Variants in CSMD1 observed in about 807,000 individuals in gnomAD.
CSMD1 encodes the protein CUB and sushi domain-containing protein 1.
CSMD1 carries 213 observed loss-of-function variants against 417.5 expected under a neutral mutation model. The ratio of observed to expected loss-of-function variants is 0.51; its 90% CI spans 0.46 to 0.57. CSMD1 has a LOEUF of 0.57. Among genes scored for constraint, CSMD1 ranks in the 20% least tolerant of loss-of-function variants. The pLI is 0.00. For synonymous variants in CSMD1, 2,862 were observed against 1,736.8 expected (o/e 1.65, Z -16.11); for missense variants, 6,923 against 4,529.7 (o/e 1.53, Z -15.17).
chr8:3,383,428 T>C (rs917962150), intron 18 of CSMD1, among the ~76,000 whole-genome samples: 3 of 151,966 alleles, frequency 2.0e-5, no homozygotes, highest in Admixed American at 1.3e-4. Flanking sequence ...AAAAACCTCA[T>C]GCATGGAGGG....
At chr8:3,039,391 C>T (rs1810925889) in intron 50 of CSMD1, among the ~76,000 whole-genome samples, 1 of 136,116 alleles carries the variant, frequency 7.3e-6, no homozygotes, top group Non-Finnish European at 1.5e-5. Context: ...TTCCTTCCTT[C>T]CCCCTTCCCT....
chr8:4,913,303 G>C (rs1412838107), intron 1 of CSMD1, among the ~76,000 whole-genome samples: 1 of 152,122 alleles, frequency 6.6e-6, no homozygotes, highest in African/African-American at 2.4e-5. Flanking sequence ...ATCCTCATTT[G>C]GTGTTATAAT....
chr8:3,735,413 A>G (rs1055466625), intron 6 of CSMD1, among the ~76,000 whole-genome samples: 3 of 152,244 alleles, frequency 2.0e-5, no homozygotes, highest in Non-Finnish European at 4.4e-5. Context: ...CAAAATCCTT[A>G]GATGATTCCA....
intron 2 of CSMD1, among the ~76,000 whole-genome samples, chr8:4,595,193 T>A (rs1275071606): frequency 6.6e-6 from 1 of 151,946 alleles, no homozygotes. Context: ...AGAAACATCC[T>A]AAAATGTAGA....
intron 3 of CSMD1, among the ~76,000 whole-genome samples, chr8:4,231,843 T>C (rs1054260199): frequency 6.6e-6 from 1 of 152,228 alleles, no homozygotes; most frequent in African/African-American, 2.4e-5. Flanking sequence ...AGAATATCTG[T>C]ACATGTATAT....
chr8:4,098,346 T>C (rs1585309119), intron 3 of CSMD1, among the ~76,000 whole-genome samples: 1 of 152,212 alleles, frequency 6.6e-6, no homozygotes, highest in South Asian at 2.1e-4. Flanking sequence ...CGTATCATAA[T>C]AGTGTTGATC....
intron 12 of CSMD1, among the ~76,000 whole-genome samples, chr8:3,466,626 A>G (rs1277833980): frequency 1.5e-5 from 2 of 132,880 alleles, no homozygotes; most frequent in Admixed American, 1.7e-4. Context: ...TAGGGGTTTC[A>G]CCATGTTGGC....
chr8:4,837,893 C>A (rs78274454), intron 1 of CSMD1, among the ~76,000 whole-genome samples: 8,292 of 151,710 alleles, frequency 0.055, 257 homozygotes, highest in African/African-American at 0.072. Flanking sequence ...AACGTGAACC[C>A]CAAAATTAAA....
intron 10 of CSMD1, among the ~76,000 whole-genome samples, chr8:3,570,562 A>AT (rs1799901680): frequency 5.5e-5 from 2 of 36,070 alleles, no homozygotes; most frequent in Admixed American, 2.7e-4. Context: ...CGCTCTAGAG[A>AT]GGGGGCAGGA....
At chr8:4,193,296 C>G (rs556947344) in intron 3 of CSMD1, among the ~76,000 whole-genome samples, 19 of 152,224 alleles carry the variant, frequency 1.2e-4, no homozygotes, top group African/African-American at 4.6e-4. Flanking sequence ...AAATACCATG[C>G]CCATAATGAA....
At chr8:3,129,873 C>T (rs1286643289) in intron 41 of CSMD1, among the ~76,000 whole-genome samples, 1 of 151,960 alleles carries the variant, frequency 6.6e-6, no homozygotes, top group Non-Finnish European at 1.5e-5. Context: ...CCTGTAATCC[C>T]AGCTATTCAG....
At chr8:4,493,583 C>G (rs1035931667) in intron 2 of CSMD1, among the ~76,000 whole-genome samples, 2 of 151,966 alleles carry the variant, frequency 1.3e-5, no homozygotes, top group Non-Finnish European at 2.9e-5. Context: ...ACCTGTAGTC[C>G]CGGCTACTAG....
At chr8:3,953,863 C>T (rs886158291) in intron 5 of CSMD1, among the ~76,000 whole-genome samples, 19 of 152,188 alleles carry the variant, frequency 1.2e-4, no homozygotes, top group South Asian at 4.1e-4. Context: ...TCTGGGTGGT[C>T]TCCTGTGTGA....
chr8:3,472,941 C>G (rs766184369), intron 11 of CSMD1, among the ~76,000 whole-genome samples: 2 of 151,964 alleles, frequency 1.3e-5, no homozygotes, highest in Non-Finnish European at 2.9e-5. Context: ...ACTGTTTTCT[C>G]CCCATTTCCA....
At chr8:3,782,372 T>G (rs1352063317) in intron 5 of CSMD1, among the ~76,000 whole-genome samples, 4 of 152,214 alleles carry the variant, frequency 2.6e-5, no homozygotes, top group Admixed American at 2.6e-4. Context: ...AAGTCAATCT[T>G]TAACCTGAAT....
chr8:4,777,597 T>C (rs1332881279), intron 1 of CSMD1, among the ~76,000 whole-genome samples: 1 of 152,222 alleles, frequency 6.6e-6, no homozygotes, highest in Non-Finnish European at 1.5e-5. Flanking sequence ...GCAGTAAGAA[T>C]GTACATACCC....
intron 2 of CSMD1, among the ~76,000 whole-genome samples, chr8:4,635,784 A>G (rs1388554185): frequency 6.6e-6 from 1 of 152,098 alleles, no homozygotes; most frequent in African/African-American, 2.4e-5. Flanking sequence ...ATTAGCAAGT[A>G]TTGTATATGT....
intron 2 of CSMD1, among the ~76,000 whole-genome samples, chr8:4,619,675 A>T (rs928018575): frequency 6.6e-6 from 1 of 152,146 alleles, no homozygotes; most frequent in African/African-American, 2.4e-5. Context: ...TGCCAAAGAT[A>T]TGTCACTAAA....
At chr8:3,965,688 G>A (rs1426968749) in intron 5 of CSMD1, among the ~76,000 whole-genome samples, 15 of 152,068 alleles carry the variant, frequency 9.9e-5, no homozygotes, top group Non-Finnish European at 1.5e-5. Context: ...TGCCATCTCA[G>A]CTCACTACAA....
Sources: allele counts gnomAD v4.1 joint callset (sites outside exome capture counted in the v4.1 genomes callset), GRCh38; gene constraint gnomAD v4.1.1; transcripts MANE v1.5; gene names NCBI Gene and HGNC (gene_info 2026-07-23, HGNC 2026-07-21).